Variants in SP110 observed in about 807,000 individuals in gnomAD.
SP110 encodes the protein SP110 nuclear body protein.
Under a neutral mutation model 92.7 loss-of-function variants are expected in SP110, and 62 were observed. The ratio of observed to expected loss-of-function variants is 0.67; its 90% CI spans 0.55 to 0.83. SP110 has a LOEUF of 0.83. SP110 is among the 40% of genes least tolerant of loss of function. The probability of loss-of-function intolerance (pLI) is 0.00; values close to 1 mark genes in which losing one functional copy is unlikely to be tolerated. For synonymous variants in SP110, 273 were observed against 305.3 expected (o/e 0.89, Z 1.10); for missense variants, 793 against 863.9 (o/e 0.92, Z 1.03).
At chr2:230,201,452 C>T (rs1459598041) in intron 9 of SP110, among the ~76,000 whole-genome samples, 1 of 152,180 alleles carries the variant, frequency 6.6e-6, no homozygotes, top group South Asian at 2.1e-4. Context: ...GGAATCACTG[C>T]ATCCTTTATT....
intron 10 of SP110, among the ~76,000 whole-genome samples, chr2:230,186,962 CAT>C (rs1491132515): frequency 1.3e-5 from 2 of 152,126 alleles, no homozygotes; most frequent in South Asian, 2.1e-4. Flanking sequence ...CAGCAATAAA[CAT>C]GTGTGTAGGT....
Position 230,173,006 on chromosome 2 carries a change from C to T in SP110, c.1591-47G>A, listed in dbSNP as rs576544273. The stretch of plus-strand genomic sequence containing the variant: ...GCACCGCTAGGACCATGGAGACCCA[C>T]GAATGCTGACCCTGTGGGGTTCTAG... On this transcript the variant is annotated intron_variant, in intron 14 of 18. Coordinates refer to ENST00000258381, the MANE Select transcript of SP110 (RefSeq NM_080424.4). The T allele has an allele frequency of 3.6e-5, 44 of 1,232,810 alleles. No individual in the cohort carries two copies. In the Admixed American group the frequency reaches 4.5e-4, roughly 12 times the overall value. 76.4% of individuals were successfully genotyped at this position (1,232,810 alleles called of 1,614,324 possible). A position where few individuals can be genotyped will look rare whatever the true frequency, so the allele number is the denominator to read the frequency against.
intron 18 of SP110, 147 bp from the exon 19 acceptor site, chr2:230,169,384 C>A: frequency 1.5e-6 from 1 of 679,620 alleles, no homozygotes; most frequent in South Asian, 1.5e-5. Context: ...TCATGGCTCA[C>A]TGCAGCCTTG....
intron 14 of SP110, among the ~76,000 whole-genome samples, chr2:230,175,154 T>G (rs142544395): frequency 3.9e-5 from 6 of 152,098 alleles, no homozygotes; most frequent in Non-Finnish European, 8.8e-5. Context: ...TCAAAATAAG[T>G]GCAGTTGATT....
chr2:230,222,831 T>C (rs2045932534), upstream of SP110, among the ~76,000 whole-genome samples: 1 of 148,398 alleles, frequency 6.7e-6, no homozygotes, highest in Non-Finnish European at 1.5e-5. Flanking sequence ...TAGTTTCGTG[T>C]GTATTAAAGT....
At chr2:230,194,223 G>C (rs1440416482) in intron 10 of SP110, among the ~76,000 whole-genome samples, 1 of 152,128 alleles carries the variant, frequency 6.6e-6, no homozygotes, top group Non-Finnish European at 1.5e-5. Context: ...TCCCAGGCTG[G>C]CTCCCATAAA....
chr2:230,196,572 A>T (rs921236364), intron 10 of SP110, among the ~76,000 whole-genome samples: 2 of 151,920 alleles, frequency 1.3e-5, no homozygotes, highest in Admixed American at 6.6e-5. Flanking sequence ...TTTAAGTTTT[A>T]GGGTACATGT....
upstream of SP110, chr2:230,221,655 G>T: frequency 6.6e-7 from 1 of 1,505,334 alleles, no homozygotes; most frequent in Non-Finnish European, 8.9e-7. Flanking sequence ...AGGGGATGGC[G>T]GTGGTAAAGG....
upstream of SP110, chr2:230,221,852 A>T: frequency 1.1e-6 from 1 of 903,736 alleles, no homozygotes. Context: ...GGGAAAATAA[A>T]GTCAATGTCA....
chr2:230,183,478 G>A, intron 12 of SP110, 94 bp downstream of exon 12: 1 of 850,218 alleles, frequency 1.2e-6, no homozygotes, highest in Non-Finnish European at 2.0e-6. Context: ...TGGAGGAGAA[G>A]GGAGAGAGAA....
chr2:230,212,804 G>A lies in SP110; in HGVS notation c.540C>T (p.Val180=), dbSNP rs748885476. The change falls in exon 4 of 19, where the codon GTC becomes GTT. Residue 180 remains valine (V), a synonymous_variant. Coordinates refer to ENST00000258381, the MANE Select transcript of SP110 (RefSeq NM_080424.4). ...LSESPSPSDP[V]LPLPALIQEG... ...CCTGGATGAGTGCAGGGAGAGGCAGGACAGGGTCAGATGGGCTGGGCGACT... is the reference window on the plus strand; with the variant it reads ...CCTGGATGAGTGCAGGGAGAGGCAGAACAGGGTCAGATGGGCTGGGCGACT... 1.9e-6 allele frequency: 3 copies of A among 1,614,166 alleles called. No individual in the cohort carries two copies. The highest frequency in any genetic ancestry group is 1.1e-5 in the South Asian group (1 of 91,076).
At position 230,212,974 on chromosome 2, in the gene SP110, G is replaced by A. The variant is rs1158665994; in HGVS notation, c.370C>T (p.Pro124Ser). 7.4e-6 allele frequency: 12 copies of A among 1,613,900 alleles called. No homozygotes were observed. In the African/African-American group the frequency reaches 1.5e-4, roughly 20 times the overall value. The change falls in exon 4 of 19, where the codon CCA becomes TCA. Residue 124 changes from proline (P) to serine (S), a missense_variant. Transcript: ENST00000258381. Reference protein sequence around the residue: ...SRDTPILLEAPTGLAEGSSLH... With the variant: ...SRDTPILLEASTGLAEGSSLH... ...GAGCTTCCTTCTGCTAGGCCAGTTG[G>A]GGCTTCAAGTAGGATTGGTGTGTCT...
chr2:230,211,330 A>T lies in SP110; in HGVS notation c.751+140T>A. The T allele has an allele frequency of 2.8e-6, 2 of 713,142 alleles. No homozygotes were observed. Among genetic ancestry groups the T allele is most frequent in the Non-Finnish European group, 5.1e-6 (2 of 389,922 alleles). 44.2% of individuals were successfully genotyped at this position (713,142 alleles called of 1,614,324 possible). A position where few individuals can be genotyped will look rare whatever the true frequency, so the allele number is the denominator to read the frequency against. ...GGTCTCCTGCCTGTTCAAGCTCCCAAGTGCTGGGTGAACTGGAAGCTGGGC... is the reference window on the plus strand; with the variant it reads ...GGTCTCCTGCCTGTTCAAGCTCCCATGTGCTGGGTGAACTGGAAGCTGGGC... On this transcript the variant is annotated intron_variant, in intron 6 of 18. Transcript: ENST00000258381. This position sits in a 1 kb window ranked among gnomAD's most constrained non-coding sequence, Gnocchi z 4.2.
At chr2:230,195,793 C>T (rs2042843138) in intron 10 of SP110, among the ~76,000 whole-genome samples, 1 of 151,744 alleles carries the variant, frequency 6.6e-6, no homozygotes, top group Non-Finnish European at 1.5e-5. Context: ...AGGAGCAGGA[C>T]TGAAAAAAAC....
chr2:230,179,922 G>A lies in SP110; in HGVS notation c.1349-1667C>T, dbSNP rs552989784. Among the ~76,000 whole-genome samples the A allele has an allele frequency of 1.1e-4, 16 of 152,212 alleles. 1 individual carries two copies. In the East Asian group the frequency reaches 1.6e-3, roughly 15 times the overall value. On this transcript the variant is annotated intron_variant, in intron 12 of 18. Transcript: ENST00000258381. Reference sequence around the variant, plus strand: ...CAAGTGAGGTGGGGCCTTTAGACCCGAGGACTTCCAAAGCCAACTGTCCTA... The same window carrying A: ...CAAGTGAGGTGGGGCCTTTAGACCCAAGGACTTCCAAAGCCAACTGTCCTA...
chr2:230,223,249 A>G (rs2045971004), upstream of SP110, among the ~76,000 whole-genome samples: 1 of 151,978 alleles, frequency 6.6e-6, no homozygotes, highest in Admixed American at 6.6e-5. Flanking sequence ...GTTGGCCAGG[A>G]TGGTCTTGAT....
chr2:230,213,105 C>A lies in SP110; in HGVS notation c.317-78G>T, dbSNP rs1004154790. The A allele has an allele frequency of 1.1e-5, 15 of 1,411,414 alleles. No individual in the cohort carries two copies. The Admixed American group carries it at 2.0e-4, about 19-fold the overall frequency. 87.4% of individuals were successfully genotyped at this position (1,411,414 alleles called of 1,614,324 possible). A position where few individuals can be genotyped will look rare whatever the true frequency, so the allele number is the denominator to read the frequency against. On this transcript the variant is annotated intron_variant, in intron 3 of 18. Transcript: ENST00000258381. ...GGGGAAGGGGATTTCTTAATACATGCCTTCCAATAGGATGGGGGCATGGAG... is the reference window on the plus strand; with the variant it reads ...GGGGAAGGGGATTTCTTAATACATGACTTCCAATAGGATGGGGGCATGGAG...
intron 10 of SP110, among the ~76,000 whole-genome samples, chr2:230,199,990 C>T (rs1375761643): frequency 6.6e-6 from 1 of 152,102 alleles, no homozygotes; most frequent in Non-Finnish European, 1.5e-5. Context: ...ATCTTAATTT[C>T]CTCATCTGCT....
At chr2:230,216,441 T>C (rs149641301) in intron 2 of SP110, among the ~76,000 whole-genome samples, 14 of 152,316 alleles carry the variant, frequency 9.2e-5, no homozygotes, top group African/African-American at 2.6e-4. Context: ...AGCTAGGAGA[T>C]AGGCAGCTAT....
Sources: gnomAD v4.1 joint callset for allele counts (sites outside exome capture counted in the v4.1 genomes callset) on GRCh38, gnomAD v4.1.1 for gene constraint, Gnocchi (gnomAD v3.1) non-coding constraint, MANE v1.5 for transcripts, NCBI Gene and HGNC (gene_info 2026-07-23, HGNC 2026-07-21) for gene names.